The following LUC7L variants were observed in gnomAD, a reference collection of about 807,000 sequenced individuals.
LUC7L encodes LUC7 like.
LUC7L carries 29 observed loss-of-function variants against 51.1 expected under a neutral mutation model. The ratio of observed to expected loss-of-function variants is 0.57; its 90% CI spans 0.42 to 0.77. The LOEUF is 0.77. Ranked by LOEUF, LUC7L falls within the 30% of genes least tolerant of loss-of-function variation. The pLI, the probability that LUC7L is intolerant of heterozygous loss-of-function variation, is 0.00. For synonymous variants in LUC7L, 181 were observed against 180.7 expected, an observed-to-expected ratio of 1.00 and a Z score of -0.01; for missense variants, 403 against 511.9, an observed-to-expected ratio of 0.79 and a Z score of 2.05.
chr16:196,683 A>G (rs1371160717), intron 6 of LUC7L, among the ~76,000 whole-genome samples: 2 of 151,576 alleles, frequency 1.3e-5, no homozygotes, highest in African/African-American at 4.8e-5. Context: ...GTGTACCACC[A>G]TGCCCAGCTA....
chr16:212,847 G>A (rs565804337), intron 3 of LUC7L, among the ~76,000 whole-genome samples: 3 of 151,444 alleles, frequency 2.0e-5, no homozygotes, highest in Admixed American at 6.6e-5. Flanking sequence ...GCACGATCAC[G>A]GCTCACTTTA....
chr16:207,461 G>C (rs2049515429), intron 4 of LUC7L, among the ~76,000 whole-genome samples: 1 of 152,122 alleles, frequency 6.6e-6, no homozygotes, highest in African/African-American at 2.4e-5. Flanking sequence ...CAAGCAGTCT[G>C]CCCCCACCTT....
intron 2 of LUC7L, among the ~76,000 whole-genome samples, chr16:225,547 C>A (rs1209447690): frequency 7.4e-6 from 1 of 134,846 alleles, no homozygotes; most frequent in Non-Finnish European, 1.6e-5. Context: ...AGTGCAATGG[C>A]TCGATCTCGG....
chr16:198,135 C>T (rs753802580), intron 6 of LUC7L, among the ~76,000 whole-genome samples: 6 of 151,634 alleles, frequency 4.0e-5, no homozygotes, highest in Admixed American at 6.6e-5. Context: ...AAAAATTAGC[C>T]GGGCGTGGTG....
In LUC7L at chr16:225,343, G is replaced by A. The variant is rs150130899; in HGVS notation, c.156+1899C>T. 8.3e-3 allele frequency among the ~76,000 whole-genome samples: 1,262 copies of A among 151,732 alleles called. 9 individuals carry two copies. The highest frequency in any genetic ancestry group is 0.021 in the Middle Eastern group (6 of 292). On this transcript the variant is annotated intron_variant, in intron 2 of 9. Coordinates refer to ENST00000293872, the MANE Select transcript of LUC7L (RefSeq NM_201412.3). ...TCTACTGAAAATACAAAAGTTAGCC[G>A]GGCGAGGTGGTGCATGCCTGTAATC...
chr16:206,188 G>C (rs771652564), intron 4 of LUC7L, 41 bp from the exon 5 acceptor site: 4 of 1,589,184 alleles, frequency 2.5e-6, no homozygotes, highest in African/African-American at 2.7e-5. Context: ...ATCTGAAAAT[G>C]AAAGTGAATG....
intron 3 of LUC7L, 126 bp downstream of exon 3, chr16:220,523 G>C (rs991749585): frequency 4.2e-6 from 3 of 715,912 alleles, no homozygotes; most frequent in East Asian, 4.9e-5. Context: ...CTCTGAGCTT[G>C]AGTGGCAGGA....
intron 3 of LUC7L, 42 bp downstream of exon 3, chr16:220,607 G>A (rs2049938118): frequency 7.1e-6 from 10 of 1,409,674 alleles, no homozygotes; most frequent in Middle Eastern, 1.8e-4. Context: ...TCAATATTGG[G>A]TTCTTCGCAG....
At chr16:212,926 C>T (rs890187829) in intron 3 of LUC7L, among the ~76,000 whole-genome samples, 19 of 152,068 alleles carry the variant, frequency 1.2e-4, no homozygotes, top group African/African-American at 3.9e-4. Flanking sequence ...TATAGGAACA[C>T]GTCACTACAC....
intron 5 of LUC7L, among the ~76,000 whole-genome samples, chr16:200,416 GA>G (rs577587041): frequency 0.51 from 60,543 of 119,204 alleles, 12,882 homozygotes; most frequent in Non-Finnish European, 0.55. Flanking sequence ...CGTCTCAAAA[GA>G]AAAAAAAAAA....
intron 6 of LUC7L, among the ~76,000 whole-genome samples, chr16:197,892 G>T (rs914651605): frequency 1.3e-5 from 2 of 152,128 alleles, no homozygotes; most frequent in Non-Finnish European, 2.9e-5. Flanking sequence ...ATGCGGTAAG[G>T]GGGGCTCCAT....
chr16:229,175 G>C (rs1486060825), intron 1 of LUC7L, 104 bp downstream of exon 1: 1 of 1,464,934 alleles, frequency 6.8e-7, no homozygotes. Flanking sequence ...GCGATGCCCC[G>C]CGCAGGCGCA....
chr16:194,125 G>T (rs2049089650), intron 6 of LUC7L, among the ~76,000 whole-genome samples: 1 of 149,940 alleles, frequency 6.7e-6, no homozygotes, highest in Non-Finnish European at 1.5e-5. Flanking sequence ...TTGAAACAGG[G>T]TCTTGCTCTG....
intron 6 of LUC7L, among the ~76,000 whole-genome samples, chr16:196,096 G>A (rs2049141089): frequency 6.6e-6 from 1 of 151,008 alleles, no homozygotes; most frequent in African/African-American, 2.4e-5. Context: ...ATAAAAGATT[G>A]CAGATATTAA....
Position 216,379 on chromosome 16 carries a change from T to A in LUC7L, c.255+4270A>T, listed in dbSNP as rs1465955842. ...TTATAAACACTGGTTATCAAATAGT[T>A]GTTTTTTTTTTTTTTTTTTTTGAGA... On this transcript the variant is annotated intron_variant, in intron 3 of 9. Transcript: ENST00000293872. Among the ~76,000 whole-genome samples, 4 of 137,020 alleles carry A rather than the reference T, an allele frequency of 2.9e-5. No individual in the cohort carries two copies. The East Asian group carries it at 8.2e-4, about 28-fold the overall frequency. 89.9% of individuals were successfully genotyped at this position (137,020 alleles called of 152,430 possible).
At chr16:217,702 T>C (rs532257543) in intron 3 of LUC7L, among the ~76,000 whole-genome samples, 22 of 135,432 alleles carry the variant, frequency 1.6e-4, no homozygotes, top group Admixed American at 6.1e-4. Context: ...AGTGAGACTC[T>C]GTTTCAAAAA....
At chr16:228,990 AGCC>A in intron 1 of LUC7L, 7 of 1,433,894 alleles carry the variant, frequency 4.9e-6, no homozygotes, top group Non-Finnish European at 6.4e-6. Flanking sequence ...AGGGGCACGG[AGCC>A]GCGGCGCCCG....
Position 201,660 on chromosome 16 carries a change from C to T in LUC7L, c.511-2422G>A, listed in dbSNP as rs553971327. ...ATCACCATGTTAGCCAGGATGGTCT[C>T]GATCTCCTGACCTCGTGATCCACCC... On this transcript the variant is annotated intron_variant, in intron 5 of 9. Coordinates refer to ENST00000293872, the MANE Select transcript of LUC7L (RefSeq NM_201412.3). 2.7e-5 allele frequency among the ~76,000 whole-genome samples: 4 copies of T among 150,764 alleles called. 1 individual carries two copies. The South Asian group carries it at 8.3e-4, about 31-fold the overall frequency.
chr16:213,783 C>T (rs144980572), intron 3 of LUC7L, among the ~76,000 whole-genome samples: 146 of 152,096 alleles, frequency 9.6e-4, no homozygotes, highest in Non-Finnish European at 1.7e-3. Context: ...GGCGCAATCT[C>T]GGCTCACCGC....
Sources: gnomAD v4.1 joint callset for allele counts (sites outside exome capture counted in the v4.1 genomes callset) on GRCh38, gnomAD v4.1.1 for gene constraint, MANE v1.5 for transcripts, NCBI Gene and HGNC (gene_info 2026-07-23, HGNC 2026-07-21) for gene names.